NCAM1: variants seen among roughly 807,000 people sequenced by gnomAD.
NCAM1 encodes neural cell adhesion molecule 1.
NCAM1 carries 14 observed loss-of-function variants against 109.8 expected under a neutral mutation model. The ratio of observed to expected loss-of-function variants is 0.13; its 90% CI spans 0.08 to 0.20. The LOEUF is 0.20. Ranked by LOEUF, NCAM1 falls within the 10% of genes least tolerant of loss-of-function variation. The pLI, the probability that NCAM1 is intolerant of heterozygous loss-of-function variation, is 1.00. For synonymous variants in NCAM1, 418 were observed against 442.9 expected, an observed-to-expected ratio of 0.94 and a Z score of 0.70; for missense variants, 774 against 1,109.9, an observed-to-expected ratio of 0.70 and a Z score of 4.30.
chr11:113,216,558 G>A (rs1186316441), intron 8 of NCAM1, among the ~76,000 whole-genome samples: 2 of 152,144 alleles, frequency 1.3e-5, no homozygotes, highest in East Asian at 3.9e-4. Flanking sequence ...GCCTAGTAGT[G>A]ACTACTTTTT....
intron 1 of NCAM1, among the ~76,000 whole-genome samples, chr11:113,195,617 C>T (rs1680211606): frequency 6.6e-6 from 1 of 151,548 alleles, no homozygotes; most frequent in Non-Finnish European, 1.5e-5. Flanking sequence ...ATTCTCCTGC[C>T]TCAGCCTCCT....
At chr11:113,072,659 G>T (rs1938332734) in intron 1 of NCAM1, among the ~76,000 whole-genome samples, 1 of 151,304 alleles carries the variant, frequency 6.6e-6, no homozygotes, top group Non-Finnish European at 1.5e-5. Flanking sequence ...TCTGTGACTT[G>T]ATTTACATGT....
intron 1 of NCAM1, among the ~76,000 whole-genome samples, chr11:113,064,900 A>G: frequency 6.6e-6 from 1 of 152,248 alleles, no homozygotes; most frequent in South Asian, 2.1e-4. Flanking sequence ...GTATGTGTAT[A>G]TACACAGGTT....
At position 113,224,816 on chromosome 11, in the gene NCAM1, C is replaced by A. The variant is rs11827515; in HGVS notation, c.1089+3491C>A. Among the ~76,000 whole-genome samples, 747 of 152,334 alleles carry A rather than the reference C, an allele frequency of 4.9e-3. 8 individuals are homozygous for A. The highest frequency in any genetic ancestry group is 0.017 in the African/African-American group (698 of 41,586). On this transcript the variant is annotated intron_variant, in intron 9 of 19. Transcript: ENST00000316851. ...GCAGCCTCCGCTGCTGATACCCAGGCAAACAGGGTCTGGAGTTGAGCTCTG... is the reference window on the plus strand; with the variant it reads ...GCAGCCTCCGCTGCTGATACCCAGGAAAACAGGGTCTGGAGTTGAGCTCTG...
chr11:113,157,634 C>T (rs905033657), intron 1 of NCAM1, among the ~76,000 whole-genome samples: 4 of 151,838 alleles, frequency 2.6e-5, no homozygotes, highest in Non-Finnish European at 4.4e-5. Context: ...CTTTCTGAAT[C>T]GATGATTATA....
At chr11:113,150,880 G>T (rs1303716634) in intron 1 of NCAM1, among the ~76,000 whole-genome samples, 1 of 152,180 alleles carries the variant, frequency 6.6e-6, no homozygotes, top group African/African-American at 2.4e-5. Context: ...AGGAGGAAGG[G>T]ATGATCAAAG....
At chr11:113,180,465 G>A (rs1289013701) in intron 1 of NCAM1, among the ~76,000 whole-genome samples, 1 of 152,214 alleles carries the variant, frequency 6.6e-6, no homozygotes, top group Admixed American at 6.5e-5. Context: ...TTCTTAGCAT[G>A]ACACTTGATA....
chr11:113,139,927 G>T (rs962357278), intron 1 of NCAM1, among the ~76,000 whole-genome samples: 14 of 152,174 alleles, frequency 9.2e-5, no homozygotes, highest in Non-Finnish European at 1.3e-4. Flanking sequence ...TCAAGGAAAA[G>T]ATTATATGCA....
intron 14 of NCAM1, among the ~76,000 whole-genome samples, chr11:113,237,884 A>T (rs1207526353): frequency 1.3e-5 from 1 of 74,498 alleles, no homozygotes; most frequent in Non-Finnish European, 2.8e-5. Context: ...ATATATATAG[A>T]TATATAGATA....
Position 113,074,902 on chromosome 11 carries a change from G to A in NCAM1, c.52+113238G>A, listed in dbSNP as rs545397833. ...CCGCCTCGGCCTCCCAAAGTGCTGG[G>A]ATTATAGGCGTCAGCAACTGTGCCC... On this transcript the variant is annotated intron_variant, in intron 1 of 19. Coordinates refer to ENST00000316851, the MANE Select transcript of NCAM1 (RefSeq NM_181351.5). Among the ~76,000 whole-genome samples, 3 of 152,304 alleles carry A rather than the reference G, an allele frequency of 2.0e-5. No individual in the cohort carries two copies. The South Asian group carries it at 6.2e-4, about 32-fold the overall frequency.
chr11:113,023,934 T>A (rs560911697), intron 1 of NCAM1, among the ~76,000 whole-genome samples: 62 of 150,920 alleles, frequency 4.1e-4, no homozygotes, highest in African/African-American at 1.3e-3. Context: ...GAAAAAAAAA[T>A]GGTAAATCAC....
chr11:113,193,306 T>G (rs1329396380), intron 1 of NCAM1, among the ~76,000 whole-genome samples: 1 of 152,194 alleles, frequency 6.6e-6, no homozygotes, highest in African/African-American at 2.4e-5. Flanking sequence ...TGCTCTTGCT[T>G]ATGCTCCCTT....
chr11:113,215,080 G>T (rs912826567), intron 8 of NCAM1, among the ~76,000 whole-genome samples: 1 of 152,112 alleles, frequency 6.6e-6, no homozygotes, highest in Non-Finnish European at 1.5e-5. Context: ...ATTACATCCT[G>T]GTTTTTCAAT....
intron 13 of NCAM1, among the ~76,000 whole-genome samples, chr11:113,234,604 ATGT>A (rs1329330765): frequency 6.6e-6 from 1 of 152,224 alleles, no homozygotes; most frequent in Non-Finnish European, 1.5e-5. Context: ...AGGTTCATCC[ATGT>A]TGTAGCATGT....
In NCAM1 at chr11:113,239,499, C is replaced by CTTTTTTTTT. The variant is rs55641415; in HGVS notation, c.1825+4351_1825+4359dup. Among the ~76,000 whole-genome samples, 50 of 110,188 alleles carry CTTTTTTTTT rather than the reference C, an allele frequency of 4.5e-4. 3 individuals are homozygous for CTTTTTTTTT. The highest frequency in any genetic ancestry group is 1.3e-3 in the East Asian group (4 of 3,072). 72.3% of individuals were successfully genotyped at this position (110,188 alleles called of 152,430 possible). A position where few individuals can be genotyped will look rare whatever the true frequency, so the allele number is the denominator to read the frequency against. ...TATAGAGATTATGAATGAGTCTCTA[C>CTTTTTTTTT]TTTTTTTTTTTTTTTTTTTTTTTTG... On this transcript the variant is annotated intron_variant, in intron 14 of 19. Transcript: ENST00000316851.
At chr11:113,134,250 A>G (rs1409139874) in intron 1 of NCAM1, among the ~76,000 whole-genome samples, 2 of 152,188 alleles carry the variant, frequency 1.3e-5, no homozygotes, top group African/African-American at 4.8e-5. Context: ...TCTTTTTATG[A>G]CTGCATTATT....
At chr11:113,043,811 C>T (rs1555080354) in intron 1 of NCAM1, among the ~76,000 whole-genome samples, 1 of 152,210 alleles carries the variant, frequency 6.6e-6, no homozygotes, top group Middle Eastern at 3.2e-3. Flanking sequence ...TATCTCCCTC[C>T]CCAACCTGCA....
chr11:113,136,548 A>G (rs558553346), intron 1 of NCAM1, among the ~76,000 whole-genome samples: 1 of 152,248 alleles, frequency 6.6e-6, no homozygotes, highest in Non-Finnish European at 1.5e-5. Context: ...ACGAGGAGGC[A>G]TGCGTGAAGC....
chr11:113,063,755 T>C (rs1329909444), intron 1 of NCAM1, among the ~76,000 whole-genome samples: 1 of 148,772 alleles, frequency 6.7e-6, no homozygotes, highest in Non-Finnish European at 1.5e-5. Context: ...TAAGAACATA[T>C]GATACTTTGG....
Sources: gnomAD v4.1 joint callset for allele counts (sites outside exome capture counted in the v4.1 genomes callset) on GRCh38, gnomAD v4.1.1 for gene constraint, MANE v1.5 for transcripts, NCBI Gene and HGNC (gene_info 2026-07-23, HGNC 2026-07-21) for gene names.